The following NFU1 variants were observed in gnomAD, a reference collection of about 807,000 sequenced individuals.
NFU1 encodes the protein NFU1 iron-sulfur cluster scaffold homolog, mitochondrial.
A neutral mutation model predicts 32.2 loss-of-function variants in NFU1; 30 were observed. The ratio of observed to expected loss-of-function variants is 0.93; its 90% CI spans 0.70 to 1.26. The LOEUF is 1.26. Among genes scored for constraint, NFU1 ranks in the 50% most tolerant of loss-of-function variants. The pLI is 0.00. For synonymous variants in NFU1, 112 were observed against 104.6 expected, an observed-to-expected ratio of 1.07 and a Z score of -0.43; for missense variants, 306 against 306.6, an observed-to-expected ratio of 1.00 and a Z score of 0.02.
downstream of NFU1, chr2:69,396,087 A>G (rs1015735287): frequency 6.5e-6 from 4 of 614,450 alleles, no homozygotes; most frequent in East Asian, 8.4e-5. Context: ...GAGGTTATAA[A>G]TAACTCATAT....
Position 69,400,546 on chromosome 2 carries a change from G to A in NFU1, c.546-8C>T, listed in dbSNP as rs560791791. On this transcript the variant is annotated splice_polypyrimidine_tract_variant and splice_region_variant and intron_variant, in intron 6 of 7. Coordinates refer to ENST00000410022, the MANE Select transcript of NFU1 (RefSeq NM_001002755.4). Reference sequence around the variant, plus strand: ...TCTTCCTGCACAGTTGGCCTGTGAGGTCAAAGAATATTTATGACATATTCT... The same window carrying A: ...TCTTCCTGCACAGTTGGCCTGTGAGATCAAAGAATATTTATGACATATTCT... 5 of 1,612,786 alleles carry A rather than the reference G, an allele frequency of 3.1e-6. No homozygotes were observed. Among genetic ancestry groups the A allele is most frequent in the Admixed American group, 1.7e-5 (1 of 59,994 alleles).
intron 4 of NFU1, among the ~76,000 whole-genome samples, chr2:69,418,040 G>A (rs948108623): frequency 2.6e-4 from 40 of 152,214 alleles, no homozygotes; most frequent in Middle Eastern, 3.4e-3. Flanking sequence ...GGCCATATCC[G>A]ACATTGAATA....
At chr2:69,400,191 A>G (rs1672474240) in intron 7 of NFU1, 173 bp downstream of exon 7, 1 of 631,658 alleles carries the variant, frequency 1.6e-6, no homozygotes, top group Non-Finnish European at 2.8e-6. Context: ...CTTCTAAAAT[A>G]AGAGACTTCA....
At chr2:69,434,424 G>A (rs1454518556) in intron 1 of NFU1, among the ~76,000 whole-genome samples, 1 of 152,202 alleles carries the variant, frequency 6.6e-6, no homozygotes, top group African/African-American at 2.4e-5. Flanking sequence ...TTACAGGCGT[G>A]AGCCACAGCG....
chr2:69,433,356 T>C (rs1673713136), intron 1 of NFU1, among the ~76,000 whole-genome samples: 2 of 151,356 alleles, frequency 1.3e-5, no homozygotes, highest in South Asian at 4.2e-4. Context: ...TTTTTGTACT[T>C]TTTAGTAGAG....
intron 2 of NFU1, among the ~76,000 whole-genome samples, chr2:69,424,268 T>C (rs1334811783): frequency 2.0e-5 from 3 of 149,484 alleles, no homozygotes; most frequent in African/African-American, 4.9e-5. Context: ...CTCTGGTTTA[T>C]TGGTTTTTGG....
At chr2:69,436,365 G>C (rs1319617668) in intron 1 of NFU1, among the ~76,000 whole-genome samples, 1 of 152,170 alleles carries the variant, frequency 6.6e-6, no homozygotes, top group African/African-American at 2.4e-5. Flanking sequence ...GGGTAAAAAT[G>C]CCTTTTTCTA....
chr2:69,426,565 C>T (rs941385356), intron 2 of NFU1, among the ~76,000 whole-genome samples: 6 of 152,046 alleles, frequency 3.9e-5, no homozygotes, highest in African/African-American at 1.4e-4. Flanking sequence ...GGATTACAGG[C>T]ATGAGCCACT....
At chr2:69,437,628 CG>C (rs1558860270), upstream of NFU1, 2 of 668,748 alleles carry the variant, frequency 3.0e-6, no homozygotes, top group Non-Finnish European at 5.4e-6. Flanking sequence ...GAACCTTTCC[CG>C]TTTGCGCCAA....
intron 3 of NFU1, among the ~76,000 whole-genome samples, chr2:69,422,767 G>A (rs967379933): frequency 6.6e-6 from 1 of 152,042 alleles, no homozygotes; most frequent in Non-Finnish European, 1.5e-5. Context: ...GAATGCAATG[G>A]CACAATCATG....
chr2:69,408,075 A>T (rs1672758269), intron 5 of NFU1, among the ~76,000 whole-genome samples: 1 of 152,080 alleles, frequency 6.6e-6, no homozygotes, highest in Admixed American at 6.6e-5. Flanking sequence ...AGAAGCACAA[A>T]AGCTAAAACT....
intron 6 of NFU1, among the ~76,000 whole-genome samples, chr2:69,402,155 A>C (rs1167350179): frequency 6.6e-6 from 1 of 152,154 alleles, no homozygotes; most frequent in African/African-American, 2.4e-5. Flanking sequence ...TCAGCCTCCC[A>C]AAGTGCCGGG....
intron 7 of NFU1, among the ~76,000 whole-genome samples, chr2:69,398,689 A>G (rs1260171636): frequency 6.6e-6 from 1 of 152,212 alleles, no homozygotes; most frequent in Non-Finnish European, 1.5e-5. Context: ...CTAGCGGGTA[A>G]CAATGCAGGA....
intron 1 of NFU1, among the ~76,000 whole-genome samples, chr2:69,436,557 CA>C (rs1673843986): frequency 6.6e-6 from 1 of 152,122 alleles, no homozygotes; most frequent in Non-Finnish European, 1.5e-5. Context: ...TCAAGGAAGA[CA>C]TCTACTCAAA....
chr2:69,421,360 C>T (rs1673234046), intron 3 of NFU1, among the ~76,000 whole-genome samples: 1 of 151,824 alleles, frequency 6.6e-6, no homozygotes, highest in South Asian at 2.1e-4. Context: ...CCCTAGGTTC[C>T]TTAAACGAGA....
chr2:69,435,997 A>C (rs1210354420), intron 1 of NFU1, among the ~76,000 whole-genome samples: 1 of 146,268 alleles, frequency 6.8e-6, no homozygotes, highest in Non-Finnish European at 1.5e-5. Context: ...GCCCAGCTTG[A>C]CCTCTCAAAG....
At chr2:69,437,601 G>C (rs992843651), upstream of NFU1, 9 of 741,922 alleles carry the variant, frequency 1.2e-5, no homozygotes, top group East Asian at 2.4e-4. Flanking sequence ...GCGTCACCCT[G>C]ACCAAGAGAG....
chr2:69,416,636 G>A (rs1673064231), intron 4 of NFU1, among the ~76,000 whole-genome samples: 1 of 152,138 alleles, frequency 6.6e-6, no homozygotes. Flanking sequence ...GGTGGCTCAT[G>A]CCTGTAATCC....
chr2:69,415,438 G>A, intron 4 of NFU1, 139 bp from the exon 5 acceptor site: 1 of 625,544 alleles, frequency 1.6e-6, no homozygotes, highest in Non-Finnish European at 2.9e-6. Context: ...GGAGTACAGT[G>A]GTGTGATCTT....
Sources: allele counts gnomAD v4.1 joint callset (sites outside exome capture counted in the v4.1 genomes callset), GRCh38; gene constraint gnomAD v4.1.1; transcripts MANE v1.5; gene names NCBI Gene and HGNC (gene_info 2026-07-23, HGNC 2026-07-21).